The following XIRP2 variants were observed in gnomAD, a reference collection of about 807,000 sequenced individuals.
XIRP2 encodes the protein xin actin binding repeat containing 2.
In XIRP2, 236 loss-of-function variants were observed where a neutral mutation model predicts 277.0. The observed-to-expected ratio is 0.85, with a 90% CI of 0.77 to 0.95. XIRP2 has a LOEUF of 0.95. XIRP2 is among the 40% of genes least tolerant of loss of function. The pLI is 0.00. For synonymous variants in XIRP2, 1,490 were observed against 1,416.5 expected, an observed-to-expected ratio of 1.05 and a Z score of -1.17; for missense variants, 4,640 against 4,157.5, an observed-to-expected ratio of 1.12 and a Z score of -3.19.
chr2:167,085,621 G>T, intron 2 of XIRP2, among the ~76,000 whole-genome samples: 1 of 152,068 alleles, frequency 6.6e-6, no homozygotes, highest in East Asian at 1.9e-4. Flanking sequence ...ATGAATCTGG[G>T]TGCTCCTGTA....
At chr2:167,203,123 T>C (rs1693768462) in intron 3 of XIRP2, among the ~76,000 whole-genome samples, 1 of 152,202 alleles carries the variant, frequency 6.6e-6, no homozygotes, top group East Asian at 1.9e-4. Context: ...AATCCTTAAC[T>C]TTATTATATC....
At chr2:166,962,463 CTAAAT>C (rs1167003904) in intron 2 of XIRP2, among the ~76,000 whole-genome samples, 1 of 151,600 alleles carries the variant, frequency 6.6e-6, no homozygotes, top group Non-Finnish European at 1.5e-5. Context: ...TATAGGGACT[CTAAAT>C]TATCTGGAGA....
At chr2:167,192,898 T>C (rs1693389323) in intron 3 of XIRP2, among the ~76,000 whole-genome samples, 1 of 152,166 alleles carries the variant, frequency 6.6e-6, no homozygotes, top group Admixed American at 6.5e-5. Context: ...CAGAACTTCA[T>C]TAGAGCCTTG....
chr2:167,006,536 A>G (rs1056954224), intron 2 of XIRP2, among the ~76,000 whole-genome samples: 2 of 151,804 alleles, frequency 1.3e-5, no homozygotes, highest in African/African-American at 4.8e-5. Flanking sequence ...TCTGTTTCTA[A>G]GCTGCACTGC....
chr2:167,182,891 A>G (rs1228250433), intron 3 of XIRP2, among the ~76,000 whole-genome samples: 1 of 152,214 alleles, frequency 6.6e-6, no homozygotes, highest in Non-Finnish European at 1.5e-5. Flanking sequence ...GAAAATAAAC[A>G]TGAGCCAAAT....
chr2:167,152,753 G>C (rs1455886917), intron 3 of XIRP2, among the ~76,000 whole-genome samples: 1 of 151,934 alleles, frequency 6.6e-6, no homozygotes, highest in Non-Finnish European at 1.5e-5. Flanking sequence ...TATAATAAGG[G>C]AACAGAAGCC....
At chr2:167,013,956 T>A (rs1224990061) in intron 2 of XIRP2, among the ~76,000 whole-genome samples, 1 of 151,320 alleles carries the variant, frequency 6.6e-6, no homozygotes, top group Non-Finnish European at 1.5e-5. Flanking sequence ...GAGTGAGGAC[T>A]TAAAGAGATT....
chr2:167,142,996 C>A (rs906799244), intron 3 of XIRP2, among the ~76,000 whole-genome samples: 2 of 151,944 alleles, frequency 1.3e-5, no homozygotes, highest in African/African-American at 2.4e-5. Flanking sequence ...AATGGAGGAA[C>A]AAAGGCAGGA....
At chr2:167,189,621 A>C (rs1693266783) in intron 3 of XIRP2, among the ~76,000 whole-genome samples, 1 of 152,184 alleles carries the variant, frequency 6.6e-6, no homozygotes, top group African/African-American at 2.4e-5. Context: ...ACCTTTTCTA[A>C]TTAATTAATG....
At chr2:167,125,636 T>C (rs1691179731) in intron 2 of XIRP2, among the ~76,000 whole-genome samples, 1 of 152,230 alleles carries the variant, frequency 6.6e-6, no homozygotes, top group Admixed American at 6.5e-5. Context: ...TTGGCCTTTA[T>C]GATTTCTTTA....
chr2:167,087,675 G>A (rs1181860791), intron 2 of XIRP2, among the ~76,000 whole-genome samples: 4 of 152,356 alleles, frequency 2.6e-5, no homozygotes, highest in African/African-American at 4.8e-5. Flanking sequence ...TCGGAAAAGC[G>A]CAGTATTTGG....
chr2:167,023,669 C>T (rs1310815327), intron 2 of XIRP2, among the ~76,000 whole-genome samples: 2 of 152,092 alleles, frequency 1.3e-5, no homozygotes, highest in Non-Finnish European at 2.9e-5. Context: ...CAGCTTTCTA[C>T]TTATGGCCAG....
rs143244808 is a variant in XIRP2, at chr2:167,015,418, T to TTATCTATCTATC, written c.408+111561_408+111572dup. 3.7e-3 allele frequency among the ~76,000 whole-genome samples: 542 copies of TTATCTATCTATC among 147,264 alleles called. 2 individuals are homozygous for TTATCTATCTATC. The highest frequency in any genetic ancestry group is 7.0e-3 in the East Asian group (34 of 4,878). ...AAACACGATGTTGATTATCTGTCTT[T>TTATCTATCTATC]TATCTATCTATCTATCTATCTATCT... On this transcript the variant is annotated intron_variant, in intron 2 of 10. Coordinates refer to ENST00000409195, the MANE Select transcript of XIRP2 (RefSeq NM_152381.6).
intron 2 of XIRP2, 54 bp downstream of exon 2, chr2:166,903,944 C>A: frequency 3.9e-6 from 6 of 1,555,462 alleles, no homozygotes; most frequent in Non-Finnish European, 5.2e-6. Flanking sequence ...CTTGCCTAGC[C>A]TACCATTTAT....
At chr2:167,252,884 A>T (rs907488800) in intron 9 of XIRP2, among the ~76,000 whole-genome samples, 1 of 151,976 alleles carries the variant, frequency 6.6e-6, no homozygotes, top group African/African-American at 2.4e-5. Flanking sequence ...TATCAGGTTA[A>T]TATGGTTCTT....
At chr2:167,113,925 T>A (rs749155626) in intron 2 of XIRP2, among the ~76,000 whole-genome samples, 12 of 152,290 alleles carry the variant, frequency 7.9e-5, no homozygotes, top group Non-Finnish European at 1.5e-4. Context: ...TATGAATTCT[T>A]GATTGGAATT....
At chr2:167,079,886 A>G (rs1689681454) in intron 2 of XIRP2, among the ~76,000 whole-genome samples, 1 of 150,924 alleles carries the variant, frequency 6.6e-6, no homozygotes. Context: ...CTTTGGGATT[A>G]GTTTGCTCTT....
chr2:167,122,916 A>G (rs1210710233), intron 2 of XIRP2, among the ~76,000 whole-genome samples: 1 of 152,074 alleles, frequency 6.6e-6, no homozygotes, highest in Non-Finnish European at 1.5e-5. Flanking sequence ...AGGGACTTCC[A>G]TGGGACTGTG....
intron 2 of XIRP2, among the ~76,000 whole-genome samples, chr2:166,915,361 AG>A (rs1156417440): frequency 6.6e-6 from 1 of 151,962 alleles, no homozygotes; most frequent in Non-Finnish European, 1.5e-5. Flanking sequence ...GAACACAAAA[AG>A]CATGTGGGAT....
Sources: gnomAD v4.1 joint callset for allele counts (sites outside exome capture counted in the v4.1 genomes callset) on GRCh38, gnomAD v4.1.1 for gene constraint, MANE v1.5 for transcripts, NCBI Gene and HGNC (gene_info 2026-07-23, HGNC 2026-07-21) for gene names.